Variants in TCF4 observed in about 807,000 individuals in gnomAD.
TCF4 encodes the protein transcription factor 4.
TCF4 carries 3 observed loss-of-function variants against 82.1 expected under a neutral mutation model. That is an observed-to-expected ratio of 0.04 (90% CI 0.02 to 0.09). TCF4 has a LOEUF of 0.09. Among genes scored for constraint, TCF4 ranks in the 10% least tolerant of loss-of-function variants. The pLI, the probability that TCF4 is intolerant of heterozygous loss-of-function variation, is 1.00. For synonymous variants in TCF4, 276 were observed against 309.6 expected (o/e 0.89, Z 1.14); for missense variants, 518 against 852.7 (o/e 0.61, Z 4.89).
At chr18:55,604,400 G>T (rs2097700312) in intron 2 of TCF4, among the ~76,000 whole-genome samples, 1 of 152,036 alleles carries the variant, frequency 6.6e-6, no homozygotes, top group Non-Finnish European at 1.5e-5. Context: ...TCTTCCTCTG[G>T]TGGGGGTGAG....
chr18:55,594,932 T>A (rs2097689356), intron 2 of TCF4, among the ~76,000 whole-genome samples: 1 of 152,176 alleles, frequency 6.6e-6, no homozygotes. Context: ...CGCTGAACTT[T>A]AAACTTGCAG....
intron 3 of TCF4, among the ~76,000 whole-genome samples, chr18:55,465,372 T>G (rs1437133663): frequency 6.6e-6 from 1 of 152,158 alleles, no homozygotes. Context: ...TCTTAAGAGA[T>G]AGAAAAGCAA....
chr18:55,463,154 G>A (rs1278574126), intron 4 of TCF4, among the ~76,000 whole-genome samples: 1 of 152,140 alleles, frequency 6.6e-6, no homozygotes, highest in Non-Finnish European at 1.5e-5. Context: ...TACACGAAGT[G>A]TACTTTTAAT....
chr18:55,328,174 C>T (rs897329699), intron 8 of TCF4, among the ~76,000 whole-genome samples: 7 of 152,082 alleles, frequency 4.6e-5, no homozygotes, highest in South Asian at 2.1e-4. Context: ...TTCACTTCTT[C>T]CTTCCTCAAT....
At chr18:55,345,933 TA>T in intron 8 of TCF4, among the ~76,000 whole-genome samples, 1 of 152,208 alleles carries the variant, frequency 6.6e-6, no homozygotes. Context: ...ACTGATTTTT[TA>T]AATCATACAT....
intron 6 of TCF4, chr18:55,401,533 C>T: frequency 1.0e-6 from 1 of 990,218 alleles, no homozygotes; most frequent in Non-Finnish European, 1.2e-6. Flanking sequence ...CATCACATGC[C>T]AATCCATCCA....
chr18:55,374,806 T>G (rs893518009), intron 6 of TCF4, among the ~76,000 whole-genome samples: 2 of 144,050 alleles, frequency 1.4e-5, no homozygotes, highest in Admixed American at 7.3e-5. Flanking sequence ...TGGTAGAGAC[T>G]GCAGTGAGCC....
intron 8 of TCF4, among the ~76,000 whole-genome samples, chr18:55,343,477 G>C (rs991514885): frequency 6.6e-6 from 1 of 152,128 alleles, no homozygotes; most frequent in South Asian, 2.1e-4. Flanking sequence ...CAAGAGACAA[G>C]AGTGGGTGTC....
intron 5 of TCF4, among the ~76,000 whole-genome samples, chr18:55,407,318 T>C (rs978531151): frequency 5.9e-5 from 9 of 152,240 alleles, no homozygotes; most frequent in African/African-American, 1.9e-4. Context: ...AAATGATGTA[T>C]ACAAGGGAAC....
intron 8 of TCF4, 118 bp from the exon 9 acceptor site, chr18:55,279,774 C>T (rs1338842436): frequency 6.7e-7 from 1 of 1,482,776 alleles, no homozygotes; most frequent in Non-Finnish European, 9.1e-7. Flanking sequence ...CAGTTTAAAT[C>T]TGAACAAACC....
rs2097669833 is a variant in TCF4, at chr18:55,588,055, G to T, written c.-38C>A. The T allele has an allele frequency of 1.0e-6, 1 of 985,624 alleles. No individual in the cohort carries two copies. The highest frequency in any genetic ancestry group is 1.8e-5 in the African/African-American group (1 of 56,880). 61.1% of individuals were successfully genotyped at this position (985,624 alleles called of 1,614,324 possible). A position where few individuals can be genotyped will look rare whatever the true frequency, so the allele number is the denominator to read the frequency against. ...GTACCTACCGCCCGCGCGCGAGAAG[G>T]GGCTCTCCGTGCACCGCCGGCGCCG... On this transcript the variant is annotated 5_prime_UTR_variant, in exon 1 of 20. Transcript: ENST00000354452.
At chr18:55,621,756 AT>A (rs1408966125) in intron 2 of TCF4, among the ~76,000 whole-genome samples, 9 of 91,612 alleles carry the variant, frequency 9.8e-5, no homozygotes, top group African/African-American at 2.6e-4. Context: ...TATAATTATA[AT>A]TATAACATAT....
intron 5 of TCF4, among the ~76,000 whole-genome samples, chr18:55,450,357 G>T (rs2095600752): frequency 6.6e-6 from 1 of 152,140 alleles, no homozygotes; most frequent in Non-Finnish European, 1.5e-5. Context: ...GAATTAAGGA[G>T]TGATTAATAA....
intron 3 of TCF4, among the ~76,000 whole-genome samples, chr18:55,568,975 T>C (rs1189525583): frequency 1.3e-5 from 2 of 152,002 alleles, no homozygotes; most frequent in Non-Finnish European, 2.9e-5. Context: ...ATTAACAGAT[T>C]AAAGGAAATA....
At chr18:55,254,760 C>G in intron 14 of TCF4, 60 bp from the exon 15 acceptor site, 1 of 1,502,738 alleles carries the variant, frequency 6.7e-7, no homozygotes, top group Admixed American at 1.9e-5. Flanking sequence ...CTAAATTATA[C>G]AAGTAAAATT....
chr18:55,629,857 AC>A (rs2148002207), intron 2 of TCF4, among the ~76,000 whole-genome samples: 1 of 152,344 alleles, frequency 6.6e-6, no homozygotes, highest in Non-Finnish European at 1.5e-5. Context: ...ATCTTGGACC[AC>A]GGGGCTTTTG....
intron 6 of TCF4, chr18:55,400,850 A>G: frequency 1.4e-6 from 1 of 702,428 alleles, no homozygotes; most frequent in Non-Finnish European, 2.1e-6. Flanking sequence ...AGCACTGCTC[A>G]CCCCTTTAAG....
rs2146049474 is a variant in TCF4, at chr18:55,501,851, G to C, written c.146-37714C>G. ...AGCTGTGTCTTCTTTCAACAGAAGA[G>C]GGAAAAGGCTTTGTGGAGTGTGAGC... On this transcript the variant is annotated intron_variant, in intron 3 of 19. Transcript: ENST00000354452. Among the ~76,000 whole-genome samples, 2 of 152,274 alleles carry C rather than the reference G, an allele frequency of 1.3e-5. 1 individual carries two copies. The highest frequency in any genetic ancestry group is 4.1e-4 in the South Asian group (2 of 4,822).
At chr18:55,592,974 T>G (rs1046554325), upstream of TCF4, among the ~76,000 whole-genome samples, 1 of 152,162 alleles carries the variant, frequency 6.6e-6, no homozygotes, top group Non-Finnish European at 1.5e-5. Flanking sequence ...ATGTTCCCCT[T>G]CCCCAGGTGA....
Sources: allele counts gnomAD v4.1 joint callset (sites outside exome capture counted in the v4.1 genomes callset), GRCh38; gene constraint gnomAD v4.1.1; transcripts MANE v1.5; gene names NCBI Gene and HGNC (gene_info 2026-07-23, HGNC 2026-07-21).